VWA2: variants seen among roughly 807,000 people sequenced by gnomAD.
VWA2 encodes the protein von Willebrand factor A domain containing 2, also known as von Willebrand factor A domain-containing protein 2.
VWA2 carries 73 observed loss-of-function variants against 70.4 expected under a neutral mutation model. The observed-to-expected ratio is 1.04, with a 90% confidence interval of 0.86 to 1.26. VWA2 has a LOEUF of 1.26. Ranked by LOEUF, VWA2 falls within the 50% of genes most tolerant of loss-of-function variation. The pLI, the probability that VWA2 is intolerant of heterozygous loss-of-function variation, is 0.00. For missense variants in VWA2, 1,011 were observed against 998.5 expected, an observed-to-expected ratio of 1.01 and a Z score of -0.17; for synonymous variants, 407 against 423.3, an observed-to-expected ratio of 0.96 and a Z score of 0.47.
chr10:114,256,600 A>T (rs1304015881), intron 4 of VWA2, among the ~76,000 whole-genome samples: 1 of 152,150 alleles, frequency 6.6e-6, no homozygotes, highest in Admixed American at 6.5e-5. Flanking sequence ...ACGTGAACCT[A>T]CTCAAAAGTC....
intron 5 of VWA2, among the ~76,000 whole-genome samples, chr10:114,261,516 TTGC>T (rs1222878599): frequency 6.6e-6 from 1 of 152,122 alleles, no homozygotes; most frequent in Non-Finnish European, 1.5e-5. Flanking sequence ...AGTAAAAAAA[TTGC>T]TGCTGTGATG....
At chr10:114,277,809 C>T in intron 6 of VWA2, 105 bp from the exon 7 acceptor site, 12 of 1,399,298 alleles carry the variant, frequency 8.6e-6, no homozygotes, top group Non-Finnish European at 2.8e-6. Flanking sequence ...CAAAACCAGA[C>T]ACTAAATCTG....
At chr10:114,245,597 G>T (rs1340772312) in intron 1 of VWA2, among the ~76,000 whole-genome samples, 2 of 151,988 alleles carry the variant, frequency 1.3e-5, no homozygotes, top group African/African-American at 2.4e-5. Context: ...TCTGTGGTGT[G>T]GAGTAAGAGG....
intron 5 of VWA2, among the ~76,000 whole-genome samples, chr10:114,269,366 A>C (rs1209488528): frequency 6.6e-6 from 1 of 152,170 alleles, no homozygotes; most frequent in Non-Finnish European, 1.5e-5. Context: ...AGATCACCTG[A>C]GGTCAGGAGT....
intron 5 of VWA2, among the ~76,000 whole-genome samples, chr10:114,265,935 G>A (rs915715225): frequency 6.6e-6 from 1 of 152,136 alleles, no homozygotes; most frequent in African/African-American, 2.4e-5. Context: ...GAGGAACATG[G>A]GCCAAATGGG....
chr10:114,263,504 T>C (rs1047504689), intron 5 of VWA2, among the ~76,000 whole-genome samples: 4 of 151,754 alleles, frequency 2.6e-5, no homozygotes, highest in African/African-American at 9.7e-5. Flanking sequence ...GCCTGGCTAA[T>C]TTTTTGTATT....
intron 10 of VWA2, 84 bp downstream of exon 10, chr10:114,285,054 C>A: frequency 2.6e-6 from 3 of 1,144,908 alleles, no homozygotes; most frequent in Non-Finnish European, 3.6e-6. Flanking sequence ...GCCCTTCCAG[C>A]TGCTGGGTAG....
chr10:114,278,928 T>G (rs1554858453), intron 8 of VWA2, 77 bp downstream of exon 8: 1 of 1,583,466 alleles, frequency 6.3e-7, no homozygotes, highest in Non-Finnish European at 8.6e-7. Context: ...GGATAGTACT[T>G]TGGGGCCCTG....
At position 114,293,909 on chromosome 10, in the gene VWA2, G is replaced by A. The variant is rs1211898362; in HGVS notation, c.*2672G>A. Among the ~76,000 whole-genome samples the A allele has an allele frequency of 6.6e-6, 1 of 152,094 alleles. No homozygotes were observed. Among genetic ancestry groups the A allele is most frequent in the Non-Finnish European group, 1.5e-5 (1 of 68,006 alleles). The stretch of plus-strand genomic sequence containing the variant: ...CATGAAGTAGCATGTATCCATATCT[G>A]GTTCTTGACTTTTTCATCATAATAA... On this transcript the variant is annotated 3_prime_UTR_variant, in exon 14 of 14. Transcript: ENST00000392982.
chr10:114,270,907 CTG>C (rs977433443), intron 5 of VWA2, among the ~76,000 whole-genome samples: 3 of 152,312 alleles, frequency 2.0e-5, no homozygotes, highest in Admixed American at 1.3e-4. Flanking sequence ...CATTGCTTAC[CTG>C]TGTCTTTGCT....
intron 1 of VWA2, among the ~76,000 whole-genome samples, chr10:114,241,587 G>A (rs757180620): frequency 4.6e-5 from 7 of 152,274 alleles, no homozygotes; most frequent in Non-Finnish European, 7.4e-5. Flanking sequence ...AGCTTGTGGT[G>A]AAAATGCCTT....
intron 5 of VWA2, among the ~76,000 whole-genome samples, chr10:114,264,162 A>T (rs1352797564): frequency 1.3e-5 from 2 of 152,256 alleles, no homozygotes; most frequent in East Asian, 3.8e-4. Flanking sequence ...GGAGAGTTAA[A>T]AACACGTGCA....
At chr10:114,282,393 G>T (rs1370346874) in intron 8 of VWA2, 123 bp from the exon 9 acceptor site, 1 of 765,394 alleles carries the variant, frequency 1.3e-6, no homozygotes, top group Non-Finnish European at 2.3e-6. Flanking sequence ...ACAAAACCAG[G>T]AAGTCTTTCT....
chr10:114,255,860 A>C (rs866462309), intron 4 of VWA2, among the ~76,000 whole-genome samples: 5 of 152,344 alleles, frequency 3.3e-5, no homozygotes, highest in Middle Eastern at 6.8e-3. Context: ...CAGGCATATG[A>C]AAAGAAGCCC....
chr10:114,294,492 T>G (rs749587219), downstream of VWA2, among the ~76,000 whole-genome samples: 1 of 152,236 alleles, frequency 6.6e-6, no homozygotes, highest in Non-Finnish European at 1.5e-5. Context: ...GCTATAAACT[T>G]CCTTAATTAC....
At chr10:114,274,623 TACCACCACACCTGTGCAC>T (rs1422717706) in intron 6 of VWA2, among the ~76,000 whole-genome samples, 5 of 151,400 alleles carry the variant, frequency 3.3e-5, no homozygotes, top group African/African-American at 4.9e-5. Context: ...TATATGTGCA[TACCACCACACCTGTGCAC>T]GCCACCACAC....
intron 8 of VWA2, 120 bp downstream of exon 8, chr10:114,278,971 C>T (rs949968031): frequency 6.8e-7 from 1 of 1,472,308 alleles, no homozygotes; most frequent in African/African-American, 1.4e-5. Context: ...CGAAGGAGAC[C>T]TGGGAGGGAG....
At chr10:114,255,968 A>T (rs770868173) in intron 4 of VWA2, among the ~76,000 whole-genome samples, 2 of 152,192 alleles carry the variant, frequency 1.3e-5, no homozygotes, top group Non-Finnish European at 2.9e-5. Flanking sequence ...GACATGCTTC[A>T]TTGGCAAATC....
intron 2 of VWA2, among the ~76,000 whole-genome samples, chr10:114,249,052 G>T (rs532907147): frequency 6.6e-6 from 1 of 151,978 alleles, no homozygotes; most frequent in Non-Finnish European, 1.5e-5. Context: ...CGATGTGCAG[G>T]TTCGTTACAT....
Sources: gnomAD v4.1 joint callset for allele counts (sites outside exome capture counted in the v4.1 genomes callset) on GRCh38, gnomAD v4.1.1 for gene constraint, MANE v1.5 for transcripts, NCBI Gene and HGNC (gene_info 2026-07-23, HGNC 2026-07-21) for gene names.